Variants in STAC observed in about 807,000 individuals in gnomAD.
The protein encoded by STAC is SH3 and cysteine-rich domain-containing protein.
In STAC, 43 loss-of-function variants were observed where a neutral mutation model predicts 48.8. The observed-to-expected ratio is 0.88, with a 90% CI of 0.69 to 1.14. The LOEUF (loss-of-function observed/expected upper bound fraction) is 1.14. Ranked by LOEUF, STAC falls within the 50% of genes most tolerant of loss-of-function variation. The probability of loss-of-function intolerance (pLI) is 0.00; values close to 1 mark genes in which losing one functional copy is unlikely to be tolerated. For missense variants in STAC, 497 were observed against 504.0 expected (o/e 0.99, Z 0.13); for synonymous variants, 193 against 179.5 (o/e 1.07, Z -0.60).
At chr3:36,463,709 C>T (rs1364175369) in intron 2 of STAC, among the ~76,000 whole-genome samples, 44 of 135,328 alleles carry the variant, frequency 3.3e-4, no homozygotes, top group African/African-American at 1.2e-3. Flanking sequence ...GTTCCCCTTC[C>T]TGTGTCCATG....
At chr3:36,390,029 G>A (rs1699716752) in intron 1 of STAC, among the ~76,000 whole-genome samples, 1 of 152,172 alleles carries the variant, frequency 6.6e-6, no homozygotes, top group South Asian at 2.1e-4. Context: ...ACTTCCAAAA[G>A]TATGGTAAAT....
intron 1 of STAC, among the ~76,000 whole-genome samples, chr3:36,412,898 A>C (rs1375657729): frequency 6.6e-6 from 1 of 152,106 alleles, no homozygotes; most frequent in African/African-American, 2.4e-5. Context: ...GGAATTTACA[A>C]ATTTGGGGTG....
chr3:36,454,129 A>G (rs1175092052), intron 2 of STAC, among the ~76,000 whole-genome samples: 3 of 152,216 alleles, frequency 2.0e-5, no homozygotes, highest in Admixed American at 6.5e-5. Flanking sequence ...TGCCCTAGCC[A>G]GCAGTAGCAA....
At chr3:36,437,987 G>A (rs1255956410) in intron 1 of STAC, among the ~76,000 whole-genome samples, 1 of 146,842 alleles carries the variant, frequency 6.8e-6, no homozygotes, top group African/African-American at 2.5e-5. Flanking sequence ...TGCCCGGGCT[G>A]GAGTGCAATG....
intron 6 of STAC, among the ~76,000 whole-genome samples, chr3:36,495,900 GCT>G (rs1202649836): frequency 1.2e-3 from 179 of 152,306 alleles, no homozygotes; most frequent in African/African-American, 4.2e-3. Flanking sequence ...TTCCACACCT[GCT>G]GAATCAGGAT....
At chr3:36,382,324 GA>G (rs1699528039) in intron 1 of STAC, among the ~76,000 whole-genome samples, 1 of 152,176 alleles carries the variant, frequency 6.6e-6, no homozygotes, top group Admixed American at 6.5e-5. Context: ...GCGTGTTCTG[GA>G]AAGGGCTTAG....
At position 36,497,310 on chromosome 3, in the gene STAC, GA is replaced by G. The variant is rs1336481672; in HGVS notation, c.766+4082del. Among the ~76,000 whole-genome samples, 50 of 152,284 alleles carry G rather than the reference GA, an allele frequency of 3.3e-4. No individual in the cohort carries two copies. The South Asian group carries it at 0.01, about 32-fold the overall frequency. On this transcript the variant is annotated intron_variant, in intron 6 of 10. Transcript: ENST00000273183. ...AGCATTGTGGAGAACTGGACATTCAGAGGAATTTTTCCCAGTTTAGCACTCC... is the reference window on the plus strand; with the variant it reads ...AGCATTGTGGAGAACTGGACATTCAGGGAATTTTTCCCAGTTTAGCACTCC...
intron 2 of STAC, among the ~76,000 whole-genome samples, chr3:36,475,087 AT>A (rs11383415): frequency 1.3e-5 from 2 of 151,306 alleles, no homozygotes; most frequent in African/African-American, 2.4e-5. Context: ...TCCTCAATTC[AT>A]TTTTTTTCTT....
intron 8 of STAC, among the ~76,000 whole-genome samples, chr3:36,515,830 A>G (rs1698657943): frequency 6.6e-6 from 1 of 152,002 alleles, no homozygotes; most frequent in Admixed American, 6.6e-5. Flanking sequence ...TGGGGCCCAC[A>G]AGGAATTTCC....
At chr3:36,412,536 T>C (rs112276170) in intron 1 of STAC, among the ~76,000 whole-genome samples, 3,919 of 152,294 alleles carry the variant, frequency 0.026, 64 homozygotes, top group Middle Eastern at 0.048. Flanking sequence ...AAAAAAAGAC[T>C]GAGAACTGCT....
chr3:36,455,596 A>G (rs75223282), intron 2 of STAC, among the ~76,000 whole-genome samples: 1 of 152,340 alleles, frequency 6.6e-6, no homozygotes, highest in African/African-American at 2.4e-5. Flanking sequence ...ATCCTGCACT[A>G]TCATTCAGCT....
Position 36,493,175 on chromosome 3 carries a change from G to A in STAC, c.712G>A (p.Glu238Lys). 3 of 1,613,480 alleles carry A rather than the reference G, an allele frequency of 1.9e-6. No homozygotes were observed. The South Asian group carries it at 3.3e-5, about 18-fold the overall frequency. The change falls in exon 6 of 11, where the codon GAG (glutamate) becomes AAG (lysine). Residue 238 changes from glutamate (E) to lysine (K), a missense_variant. By Grantham distance (56) the Glu-to-Lys change is moderately conservative. Coordinates refer to ENST00000273183, the MANE Select transcript of STAC (RefSeq NM_003149.3). ...TSTSDLVEVPEEANGPGGGYD... is the reference protein window; with the variant it reads ...TSTSDLVEVPKEANGPGGGYD... ...GACTTCAGATCTTGTGGAGGTTCCT[G>A]AGGAAGCCAATGGGCCAGGAGGCGG...
chr3:36,440,354 T>C (rs1206876383), intron 1 of STAC, among the ~76,000 whole-genome samples: 1 of 152,154 alleles, frequency 6.6e-6, no homozygotes, highest in African/African-American at 2.4e-5. Context: ...AGTGTGTGGG[T>C]TGACAATTTG....
intron 2 of STAC, among the ~76,000 whole-genome samples, chr3:36,478,622 G>A (rs901662773): frequency 4.6e-5 from 7 of 152,142 alleles, no homozygotes; most frequent in Non-Finnish European, 8.8e-5. Flanking sequence ...AGTCTCCCGA[G>A]TAACTGGGAC....
intron 1 of STAC, among the ~76,000 whole-genome samples, chr3:36,437,117 C>G (rs2125659125): frequency 6.6e-6 from 1 of 152,098 alleles, no homozygotes; most frequent in South Asian, 2.1e-4. Context: ...ATTAAAAAGT[C>G]AGGAAACAAC....
chr3:36,489,970 A>T (rs1054791654), intron 5 of STAC, among the ~76,000 whole-genome samples: 1 of 152,346 alleles, frequency 6.6e-6, no homozygotes, highest in African/African-American at 2.4e-5. Flanking sequence ...AGAACTGCAA[A>T]ATCTGAAAAT....
At chr3:36,407,120 T>C (rs904468503) in intron 1 of STAC, among the ~76,000 whole-genome samples, 3 of 152,324 alleles carry the variant, frequency 2.0e-5, no homozygotes, top group Non-Finnish European at 4.4e-5. Flanking sequence ...GCACATACTA[T>C]ATGTTCACTT....
chr3:36,396,033 G>T (rs1041774098), intron 1 of STAC, among the ~76,000 whole-genome samples: 1 of 151,832 alleles, frequency 6.6e-6, no homozygotes, highest in Non-Finnish European at 1.5e-5. Flanking sequence ...TTACCTCTGC[G>T]ATAGAGAAAA....
chr3:36,458,172 T>C (rs944886065), intron 2 of STAC, among the ~76,000 whole-genome samples: 4 of 152,126 alleles, frequency 2.6e-5, no homozygotes, highest in South Asian at 2.1e-4. Flanking sequence ...TACTATATTA[T>C]TGAATTTCCT....
Sources: allele counts gnomAD v4.1 joint callset (sites outside exome capture counted in the v4.1 genomes callset), GRCh38; gene constraint gnomAD v4.1.1; transcripts MANE v1.5; gene names NCBI Gene and HGNC (gene_info 2026-07-23, HGNC 2026-07-21).